MON2: variants seen among roughly 807,000 people sequenced by gnomAD.
MON2 encodes MON2 regulator of endosome-to-Golgi trafficking.
A neutral mutation model predicts 208.6 loss-of-function variants in MON2; 84 were observed. The observed-to-expected ratio is 0.40, with a 90% confidence interval of 0.34 to 0.48. The LOEUF is 0.48. Among genes scored for constraint, MON2 ranks in the 20% least tolerant of loss-of-function variants. The pLI, the probability that MON2 is intolerant of heterozygous loss-of-function variation, is 0.59. For synonymous variants in MON2, 660 were observed against 694.0 expected (o/e 0.95, Z 0.77); for missense variants, 1,611 against 2,015.4 (o/e 0.80, Z 3.84).
At position 62,525,101 on chromosome 12, in the gene MON2, A is replaced by G. The variant is rs2136188527; in HGVS notation, c.1127A>G (p.Tyr376Cys). 1.9e-6 allele frequency: 3 copies of G among 1,610,470 alleles called. No individual in the cohort carries two copies. Among genetic ancestry groups the G allele is most frequent in the Non-Finnish European group, 1.7e-6 (2 of 1,176,858 alleles). ...TTTTACAGGTCATTTTGTCAGTCCT[A>G]TGATATGAAACAGCATTCTACCAAG... ...PQLLRSFCQS[Y>C]DMKQHSTKVF... Residue 376 changes from tyrosine (Y) to cysteine (C), a missense_variant, in exon 10 of 35, where the codon TAT (tyrosine) becomes TGT (cysteine). By Grantham distance (194) the Tyr-to-Cys change is radical. Transcript: ENST00000393630.
chr12:62,498,373 T>C (rs777703669), intron 4 of MON2, among the ~76,000 whole-genome samples: 10 of 152,088 alleles, frequency 6.6e-5, no homozygotes, highest in Non-Finnish European at 1.2e-4. Flanking sequence ...AAGAAAACTT[T>C]TGGGGTGATG....
At chr12:62,529,020 C>T (rs1347216612) in intron 11 of MON2, among the ~76,000 whole-genome samples, 5 of 152,300 alleles carry the variant, frequency 3.3e-5, no homozygotes, top group South Asian at 2.1e-4. Flanking sequence ...CCTCCCGCCT[C>T]AAGTACACCC....
At chr12:62,495,787 G>A (rs2136057263) in intron 4 of MON2, among the ~76,000 whole-genome samples, 1 of 147,150 alleles carries the variant, frequency 6.8e-6, no homozygotes, top group Middle Eastern at 3.6e-3. Context: ...TATATAGTAT[G>A]TAAACCAGAC....
Position 62,585,381 on chromosome 12 carries a change from C to G in MON2, c.4787C>G (p.Thr1596Arg). 1 of 1,613,808 alleles carries G rather than the reference C, an allele frequency of 6.2e-7. No individual in the cohort carries two copies. Among genetic ancestry groups the G allele is most frequent in the Non-Finnish European group, 8.5e-7 (1 of 1,179,756 alleles). Reference protein sequence around the residue: ...LLQFSFSNKVTTPQEGYISRM... With the variant: ...LLQFSFSNKVRTPQEGYISRM... ...CAGTTTTCCTTCAGTAATAAAGTCA[C>G]AACACCTCAAGAAGGCTACATCTCA... is the stretch of plus-strand genomic sequence containing the variant. Residue 1596 changes from threonine (T) to arginine (R), a missense_variant, in exon 33 of 35, where the codon ACA becomes AGA. Transcript: ENST00000393630.
chr12:62,501,470 G>A (rs2070828541), intron 6 of MON2, 103 bp from the exon 7 acceptor site: 9 of 1,356,136 alleles, frequency 6.6e-6, no homozygotes, highest in Non-Finnish European at 8.1e-6. Flanking sequence ...GCAAAAACAT[G>A]TATTATATAA....
At position 62,534,963 on chromosome 12, in the gene MON2, C is replaced by T. The variant is rs2072898043; in HGVS notation, c.1715+37C>T. 3.8e-6 allele frequency: 5 copies of T among 1,322,288 alleles called. No individual in the cohort carries two copies. The South Asian group carries it at 5.0e-5, about 13-fold the overall frequency. The allele number at this position is 1,322,288 out of a possible 1,614,324, so 81.9% of individuals were successfully genotyped here. A position where few individuals can be genotyped will look rare whatever the true frequency, so the allele number is the denominator to read the frequency against. On this transcript the variant is annotated intron_variant, in intron 13 of 34. Coordinates refer to ENST00000393630, the MANE Select transcript of MON2 (RefSeq NM_015026.3). Reference sequence around the variant, plus strand: ...TTGTAAGTTTTATATTGAACTGTGTCAGTTAAAAAAAACACATTAAAATGG... The same window carrying T: ...TTGTAAGTTTTATATTGAACTGTGTTAGTTAAAAAAAACACATTAAAATGG...
intron 21 of MON2, 26 bp from the exon 22 acceptor site, chr12:62,546,871 T>C: frequency 6.4e-7 from 1 of 1,557,670 alleles, no homozygotes; most frequent in Non-Finnish European, 8.7e-7. Flanking sequence ...CTTCTCTTCC[T>C]AATTAGTTTC....
intron 1 of MON2, among the ~76,000 whole-genome samples, chr12:62,479,245 A>AC (rs1269774055): frequency 1.3e-5 from 2 of 152,172 alleles, no homozygotes; most frequent in Non-Finnish European, 2.9e-5. Flanking sequence ...GGTTCCAAGA[A>AC]CCCCAGGGAA....
chr12:62,581,217 CTTT>C (rs1226223499), intron 32 of MON2, among the ~76,000 whole-genome samples: 1 of 152,170 alleles, frequency 6.6e-6, no homozygotes, highest in Non-Finnish European at 1.5e-5. Context: ...TATTAATTCT[CTTT>C]TTGTAAACCT....
rs542283802 is a variant in MON2 at position 62,486,081 on chromosome 12, A to G, written c.175+1848A>G. 2.6e-4 allele frequency among the ~76,000 whole-genome samples: 40 copies of G among 152,078 alleles called. No homozygotes were observed. In the South Asian group the frequency reaches 8.1e-3, roughly 31 times the overall value. ...AATTGGTGTTTAAAGAAAAATGATG[A>G]CCTGGATATTTTTATGTTGGAGACT... On this transcript the variant is annotated intron_variant, in intron 2 of 34. Transcript: ENST00000393630.
chr12:62,592,406 A>G (rs1413530846), intron 34 of MON2, among the ~76,000 whole-genome samples, 180 bp from the exon 35 acceptor site: 2 of 152,150 alleles, frequency 1.3e-5, no homozygotes, highest in African/African-American at 4.8e-5. Flanking sequence ...TTTTTCCCAT[A>G]CCTTATTAAA....
chr12:62,583,973 A>C (rs1266480957), intron 32 of MON2, among the ~76,000 whole-genome samples: 1 of 148,324 alleles, frequency 6.7e-6, no homozygotes, highest in East Asian at 1.9e-4. Context: ...AAAAAAAAAA[A>C]ACAAAAAAAA....
intron 2 of MON2, among the ~76,000 whole-genome samples, chr12:62,490,589 G>C (rs188180424): frequency 6.6e-6 from 1 of 152,010 alleles, no homozygotes; most frequent in Non-Finnish European, 1.5e-5. Flanking sequence ...AAAAGGAAAA[G>C]CAATAACTTT....
At position 62,552,577 on chromosome 12, in the gene MON2, A is replaced by G. The variant is rs542081088; in HGVS notation, c.2917-304A>G. Among the ~76,000 whole-genome samples, 13 of 152,146 alleles carry G rather than the reference A, an allele frequency of 8.5e-5. 1 individual carries two copies. The South Asian group carries it at 2.5e-3, about 29-fold the overall frequency. On this transcript the variant is annotated intron_variant, in intron 23 of 34. Transcript: ENST00000393630. Reference sequence around the variant, plus strand: ...CAGTTGTTATATTTAGGTGGTAGATACATCAATATGTTCAAGTTCCTTATA... The same window carrying G: ...CAGTTGTTATATTTAGGTGGTAGATGCATCAATATGTTCAAGTTCCTTATA...
intron 2 of MON2, among the ~76,000 whole-genome samples, chr12:62,491,110 A>G (rs1289879566): frequency 6.6e-6 from 1 of 152,154 alleles, no homozygotes; most frequent in African/African-American, 2.4e-5. Context: ...AGTTGCATGC[A>G]TTGTTGATAC....
At chr12:62,503,575 A>G (rs898468171) in intron 7 of MON2, among the ~76,000 whole-genome samples, 1 of 152,228 alleles carries the variant, frequency 6.6e-6, no homozygotes, top group Non-Finnish European at 1.5e-5. Context: ...TTCAGTTGAT[A>G]TCCTCCTTAT....
Position 62,572,016 on chromosome 12 carries a change from A to G in MON2, c.4514+434A>G, listed in dbSNP as rs756195948. Among the ~76,000 whole-genome samples the G allele has an allele frequency of 5.9e-5, 9 of 152,342 alleles. No individual in the cohort carries two copies. The East Asian group carries it at 7.7e-4, about 13-fold the overall frequency. Reference sequence around the variant, plus strand: ...GTCAAAGATTAACAATTTTCATTGTATGGTATCTAATTTAAAGCTTGTATT... The same window carrying G: ...GTCAAAGATTAACAATTTTCATTGTGTGGTATCTAATTTAAAGCTTGTATT... On this transcript the variant is annotated intron_variant, in intron 30 of 34. Transcript: ENST00000393630.
rs1268728614 is a variant in MON2 at position 62,466,922 on chromosome 12, C to G, written c.-286C>G. Reference sequence around the variant, plus strand: ...TGGTGACACCCGGTGTGGCTGGGCCCCGCGGCAGCGGAGGGACCTGCCCGC... The same window carrying G: ...TGGTGACACCCGGTGTGGCTGGGCCGCGCGGCAGCGGAGGGACCTGCCCGC... On this transcript the variant is annotated 5_prime_UTR_variant, in exon 1 of 35. Transcript: ENST00000393630. The G allele has an allele frequency of 4.0e-6, 2 of 498,694 alleles. No homozygotes were observed. Among genetic ancestry groups the G allele is most frequent in the Non-Finnish European group, 7.1e-6 (2 of 282,174 alleles). 30.9% of individuals were successfully genotyped at this position (498,694 alleles called of 1,614,324 possible).
chr12:62,558,322 C>T (rs2074072490), intron 25 of MON2, among the ~76,000 whole-genome samples: 1 of 151,752 alleles, frequency 6.6e-6, no homozygotes, highest in African/African-American at 2.4e-5. Context: ...CAGTTAATGT[C>T]TTTGATAATT....
Sources: allele counts gnomAD v4.1 joint callset (sites outside exome capture counted in the v4.1 genomes callset), GRCh38; gene constraint gnomAD v4.1.1; transcripts MANE v1.5; gene names NCBI Gene and HGNC (gene_info 2026-07-23, HGNC 2026-07-21).